Variants in ENPP6 observed in about 807,000 individuals in gnomAD.
ENPP6 encodes glycerophosphocholine cholinephosphodiesterase ENPP6.
A neutral mutation model predicts 42.0 loss-of-function variants in ENPP6; 32 were observed. The ratio of observed to expected loss-of-function variants is 0.76; its 90% CI spans 0.58 to 1.02. ENPP6 has a LOEUF of 1.02. Ranked by LOEUF, ENPP6 falls within the 50% of genes least tolerant of loss-of-function variation. The pLI, the probability that ENPP6 is intolerant of heterozygous loss-of-function variation, is 0.00. For synonymous variants in ENPP6, 213 were observed against 216.0 expected, an observed-to-expected ratio of 0.99 and a Z score of 0.12; for missense variants, 552 against 566.8, an observed-to-expected ratio of 0.97 and a Z score of 0.27.
chr4:184,126,964 A>G (rs1736515900), intron 2 of ENPP6, among the ~76,000 whole-genome samples: 1 of 152,226 alleles, frequency 6.6e-6, no homozygotes, highest in African/African-American at 2.4e-5. Context: ...ATCATGAAAC[A>G]TGCTAAAAAC....
At chr4:184,208,882 G>C (rs532486032) in intron 1 of ENPP6, among the ~76,000 whole-genome samples, 30 of 143,422 alleles carry the variant, frequency 2.1e-4, no homozygotes, top group Admixed American at 9.3e-4. Flanking sequence ...CACGCAGCTG[G>C]AGATCTGAGA....
rs769333090 is a variant in ENPP6 at position 184,116,865 on chromosome 4, T to C, written c.846A>G (p.Lys282=). 2 of 1,613,464 alleles carry C rather than the reference T, an allele frequency of 1.2e-6. No homozygotes were observed. The highest frequency in any genetic ancestry group is 1.7e-5 in the Admixed American group (1 of 60,016). Residue 282 remains lysine (K), a synonymous_variant, in exon 5 of 8, where the codon AAA becomes AAG. Transcript: ENST00000296741. The part of the protein sequence containing the change: ...PVVSLWPAPG[K]HSEIYNKLST... ...CACGGGTCTGTCTTGCCTCAGAGTG[T>C]TTCCCAGGGGCCGGCCAAAGGCTCA...
Position 184,113,830 on chromosome 4 carries a change from C to T in ENPP6, c.856-1021G>A, listed in dbSNP as rs377007228. Among the ~76,000 whole-genome samples, 177 of 151,664 alleles carry T rather than the reference C, an allele frequency of 1.2e-3. 1 individual carries two copies. The Middle Eastern group carries it at 0.014, about 12-fold the overall frequency. ...TGCTAGGAATATAGGCTTCAGCCAC[C>T]GAGTGTGGCCCTGTACATATTTCTT... On this transcript the variant is annotated intron_variant, in intron 5 of 7. Transcript: ENST00000296741.
intron 7 of ENPP6, among the ~76,000 whole-genome samples, chr4:184,095,132 C>A (rs549082984): frequency 6.6e-5 from 10 of 152,346 alleles, no homozygotes; most frequent in African/African-American, 2.2e-4. Context: ...GCGGGAGGCT[C>A]TCCACGCTGT....
intron 6 of ENPP6, among the ~76,000 whole-genome samples, chr4:184,102,570 C>T (rs890253347): frequency 2.0e-5 from 3 of 152,226 alleles, no homozygotes; most frequent in Admixed American, 6.5e-5. Flanking sequence ...GCCCAACATC[C>T]GGCCTCCAGC....
intron 1 of ENPP6, chr4:184,204,228 G>A (rs896571423): frequency 5.9e-5 from 9 of 152,106 alleles, no homozygotes; most frequent in Non-Finnish European, 1.2e-4. Context: ...AGTCACATTC[G>A]GAGATATTAG....
chr4:184,174,964 C>T (rs1737537091), intron 1 of ENPP6, among the ~76,000 whole-genome samples: 1 of 152,236 alleles, frequency 6.6e-6, no homozygotes, highest in Admixed American at 6.5e-5. Context: ...ATTTTCACTT[C>T]TATTTACTGA....
chr4:184,115,624 C>T (rs918316251), intron 5 of ENPP6, among the ~76,000 whole-genome samples: 3 of 152,166 alleles, frequency 2.0e-5, no homozygotes, highest in Non-Finnish European at 4.4e-5. Context: ...TTCCATATCC[C>T]TCACAGCAGC....
chr4:184,150,340 A>C (rs894135784), intron 2 of ENPP6, among the ~76,000 whole-genome samples: 8 of 152,142 alleles, frequency 5.3e-5, no homozygotes, highest in African/African-American at 1.9e-4. Flanking sequence ...ATATTGACTT[A>C]ATGGCGAAAC....
In ENPP6 at chr4:184,131,259, T is replaced by TTCCTTC. The variant is rs1553996065; in HGVS notation, c.422-6988_422-6987insGAAGGA. On this transcript the variant is annotated intron_variant, in intron 2 of 7. Coordinates refer to ENST00000296741, the MANE Select transcript of ENPP6 (RefSeq NM_153343.4). ...CCTTTTCTTTCTTTCTTTCTCTTTC[T>TTCCTTC]CTTCCTTCCTTCCTTCCTTCCTTCC... Among the ~76,000 whole-genome samples, 487 of 73,344 alleles carry TTCCTTC rather than the reference T, an allele frequency of 6.6e-3. 25 individuals are homozygous for TTCCTTC. Among genetic ancestry groups the TTCCTTC allele is most frequent in the South Asian group, 0.026 (53 of 2,078 alleles). 48.1% of individuals were successfully genotyped at this position (73,344 alleles called of 152,430 possible). A position where few individuals can be genotyped will look rare whatever the true frequency, so the allele number is the denominator to read the frequency against.
At position 184,091,027 on chromosome 4, in the gene ENPP6, T is replaced by G. The variant is rs889031975; in HGVS notation, c.*150A>C. 1.4e-6 allele frequency: 1 copy of G among 705,670 alleles called. No homozygotes were observed. Among genetic ancestry groups the G allele is most frequent in the Non-Finnish European group, 2.1e-6 (1 of 480,742 alleles). 43.7% of individuals were successfully genotyped at this position (705,670 alleles called of 1,614,324 possible). ...TTTTTAACAAGTAGGAACTTTTATGTATAGAATTATCCAAGAATAATGTAT... is the reference window on the plus strand; with the variant it reads ...TTTTTAACAAGTAGGAACTTTTATGGATAGAATTATCCAAGAATAATGTAT... On this transcript the variant is annotated 3_prime_UTR_variant, in exon 8 of 8. Transcript: ENST00000296741.
intron 2 of ENPP6, among the ~76,000 whole-genome samples, chr4:184,146,559 G>A (rs1269939958): frequency 3.3e-5 from 5 of 152,182 alleles, no homozygotes; most frequent in African/African-American, 4.8e-5. Context: ...TGAAATAGCC[G>A]CAAAGTCCAG....
At chr4:184,129,746 G>A (rs4241787) in intron 2 of ENPP6, among the ~76,000 whole-genome samples, 103,756 of 152,172 alleles carry the variant, frequency 0.68, 35,702 homozygotes, top group African/African-American at 0.74. Context: ...ATATGCAGGC[G>A]TTAAAATAAT....
intron 6 of ENPP6, 49 bp from the exon 7 acceptor site, chr4:184,097,417 C>A (rs778565401): frequency 6.1e-5 from 98 of 1,606,162 alleles, no homozygotes; most frequent in Non-Finnish European, 8.2e-5. Context: ...GACCGTGGCG[C>A]TGAGCGGGCA....
chr4:184,189,796 C>A (rs2111106884), intron 1 of ENPP6, among the ~76,000 whole-genome samples: 1 of 152,274 alleles, frequency 6.6e-6, no homozygotes, highest in Non-Finnish European at 1.5e-5. Flanking sequence ...CCCGTGTCTC[C>A]CACTTCTGGT....
intron 6 of ENPP6, among the ~76,000 whole-genome samples, chr4:184,104,234 C>T (rs1460007223): frequency 6.6e-6 from 1 of 152,158 alleles, no homozygotes; most frequent in African/African-American, 2.4e-5. Flanking sequence ...GTCTTGATTT[C>T]CCCAGATATT....
In ENPP6 at chr4:184,091,342, C is replaced by T. The variant is rs1364203662; in HGVS notation, c.1158G>A (p.Val386=). Residue 386 remains valine (V), a synonymous_variant, in exon 8 of 8, where the codon GTG becomes GTA. Coordinates refer to ENST00000296741, the MANE Select transcript of ENPP6 (RefSeq NM_153343.4). ...SNFRAAPIRS[V]DVYNVMCNVV... is the part of the protein sequence containing the mutation. ...CATTGCACATGACATTGTAGACGTC[C>T]ACCGACCTGATAGGAGCAGCTCTGA... 3 of 1,613,098 alleles carry T rather than the reference C, an allele frequency of 1.9e-6. No individual in the cohort carries two copies. The highest frequency in any genetic ancestry group is 2.5e-6 in the Non-Finnish European group (3 of 1,179,724).
chr4:184,127,994 G>A (rs1220732868), intron 2 of ENPP6, among the ~76,000 whole-genome samples: 1 of 152,026 alleles, frequency 6.6e-6, no homozygotes, highest in Admixed American at 6.6e-5. Context: ...TCTAGATATT[G>A]ATTTAAAAGA....
intron 1 of ENPP6, among the ~76,000 whole-genome samples, chr4:184,157,212 T>C (rs1440333455): frequency 3.3e-5 from 5 of 152,200 alleles, no homozygotes; most frequent in Non-Finnish European, 4.4e-5. Context: ...TTCTTCTTAG[T>C]AGTTTTGCAT....
Sources: allele counts gnomAD v4.1 joint callset (sites outside exome capture counted in the v4.1 genomes callset), GRCh38; gene constraint gnomAD v4.1.1; transcripts MANE v1.5; gene names NCBI Gene and HGNC (gene_info 2026-07-23, HGNC 2026-07-21).